SPATA16: variants seen among roughly 807,000 people sequenced by gnomAD.
The protein encoded by SPATA16 is spermatogenesis-associated protein 16.
SPATA16 carries 36 observed loss-of-function variants against 63.3 expected under a neutral mutation model. The ratio of observed to expected loss-of-function variants is 0.57; its 90% confidence interval spans 0.44 to 0.75. The LOEUF (loss-of-function observed/expected upper bound fraction) is 0.75. Ranked by LOEUF, SPATA16 falls within the 30% of genes least tolerant of loss-of-function variation. The pLI is 0.00. For synonymous variants in SPATA16, 203 were observed against 216.7 expected, an observed-to-expected ratio of 0.94 and a Z score of 0.56; for missense variants, 646 against 679.3, an observed-to-expected ratio of 0.95 and a Z score of 0.54.
chr3:173,131,265 A>G (rs1238325854), intron 1 of SPATA16, among the ~76,000 whole-genome samples: 1 of 152,200 alleles, frequency 6.6e-6, no homozygotes, highest in African/African-American at 2.4e-5. Flanking sequence ...TACACGTTAT[A>G]CTCTGCTTAT....
intron 2 of SPATA16, among the ~76,000 whole-genome samples, chr3:173,068,312 A>G (rs1577158003): frequency 6.6e-6 from 1 of 152,224 alleles, no homozygotes; most frequent in Non-Finnish European, 1.5e-5. Context: ...AGTATAAAAT[A>G]TATGAATAGA....
chr3:173,028,275 T>A (rs1339209839), intron 3 of SPATA16, among the ~76,000 whole-genome samples: 1 of 151,708 alleles, frequency 6.6e-6, no homozygotes, highest in Non-Finnish European at 1.5e-5. Context: ...ACATGGAATG[T>A]TTTAATTTCA....
At chr3:173,089,810 A>G (rs375118038) in intron 2 of SPATA16, among the ~76,000 whole-genome samples, 8 of 151,930 alleles carry the variant, frequency 5.3e-5, no homozygotes, top group South Asian at 2.1e-4. Context: ...CGGAAGCACT[A>G]CTCCTCCAGG....
intron 4 of SPATA16, among the ~76,000 whole-genome samples, chr3:173,017,294 A>G (rs1735213853): frequency 6.6e-6 from 1 of 152,270 alleles, no homozygotes; most frequent in South Asian, 2.1e-4. Flanking sequence ...CAGGTCAGTC[A>G]TCAAATGATA....
chr3:172,979,930 C>T (rs112888291), intron 4 of SPATA16, among the ~76,000 whole-genome samples: 124 of 152,262 alleles, frequency 8.1e-4, no homozygotes, highest in African/African-American at 2.9e-3. Flanking sequence ...GTATTTCTTT[C>T]GATACCTGGC....
intron 8 of SPATA16, among the ~76,000 whole-genome samples, chr3:172,922,438 T>A (rs564853666): frequency 6.6e-6 from 1 of 152,244 alleles, no homozygotes; most frequent in Non-Finnish European, 1.5e-5. Flanking sequence ...AAAAGATTCA[T>A]GTCTAAACAA....
At chr3:173,097,713 AT>A (rs936555090) in intron 2 of SPATA16, among the ~76,000 whole-genome samples, 19 of 152,210 alleles carry the variant, frequency 1.2e-4, no homozygotes, top group Admixed American at 6.5e-5. Flanking sequence ...ATTCAGGAAT[AT>A]GTTTGAACTG....
At chr3:173,085,502 A>AT (rs984743103) in intron 2 of SPATA16, among the ~76,000 whole-genome samples, 19 of 149,018 alleles carry the variant, frequency 1.3e-4, no homozygotes, top group Non-Finnish European at 1.5e-4. Flanking sequence ...AATATGCTTT[A>AT]TTTTTTTTTT....
Position 173,036,707 on chromosome 3 carries a change from T to A in SPATA16, c.758+12242A>T, listed in dbSNP as rs577421921. On this transcript the variant is annotated intron_variant, in intron 3 of 10. Coordinates refer to ENST00000351008, the MANE Select transcript of SPATA16 (RefSeq NM_031955.6). ...AATTATCTTTCATTTTCTAGCTGCA[T>A]ACCTTGTGTGACATTGAATTTTGTT... Among the ~76,000 whole-genome samples, 4 of 152,164 alleles carry A rather than the reference T, an allele frequency of 2.6e-5. No individual in the cohort carries two copies. In the East Asian group the frequency reaches 7.7e-4, roughly 29 times the overall value.
At chr3:172,895,007 T>A (rs575343636) in intron 10 of SPATA16, among the ~76,000 whole-genome samples, 4 of 152,274 alleles carry the variant, frequency 2.6e-5, no homozygotes, top group Non-Finnish European at 5.9e-5. Flanking sequence ...TAAAAAAAAA[T>A]TAATTTTGGT....
rs16846428 is a variant in SPATA16, at chr3:173,021,028, C to A, written c.759-1453G>T. 8.2e-3 allele frequency among the ~76,000 whole-genome samples: 1,250 copies of A among 152,246 alleles called. 14 individuals are homozygous for A. The highest frequency in any genetic ancestry group is 0.011 in the Non-Finnish European group (756 of 68,022). ...GCACAAATTTAGGAAACTTGTGTGA[C>A]CTCTCAGGGCTCTTCAGGTATTCCA... On this transcript the variant is annotated intron_variant, in intron 3 of 10. Transcript: ENST00000351008.
chr3:172,947,823 A>G (rs1733329410), intron 6 of SPATA16, among the ~76,000 whole-genome samples: 1 of 152,070 alleles, frequency 6.6e-6, no homozygotes, highest in Non-Finnish European at 1.5e-5. Flanking sequence ...CAAATACCTA[A>G]TATATGTGGG....
At chr3:172,935,654 C>A (rs1732972380) in intron 6 of SPATA16, among the ~76,000 whole-genome samples, 1 of 152,092 alleles carries the variant, frequency 6.6e-6, no homozygotes, top group African/African-American at 2.4e-5. Flanking sequence ...AATTATAATA[C>A]AGCATGGTAC....
chr3:173,027,238 A>G (rs1280872225), intron 3 of SPATA16, among the ~76,000 whole-genome samples: 1 of 151,958 alleles, frequency 6.6e-6, no homozygotes, highest in Non-Finnish European at 1.5e-5. Context: ...TAGAAACATA[A>G]TTGATTTTTT....
chr3:172,992,238 T>C (rs1734594812), intron 4 of SPATA16, among the ~76,000 whole-genome samples: 1 of 152,168 alleles, frequency 6.6e-6, no homozygotes, highest in African/African-American at 2.4e-5. Flanking sequence ...GTTTTTTTAA[T>C]TTTGCAAATG....
chr3:172,998,896 C>CG (rs1734753821), intron 4 of SPATA16, among the ~76,000 whole-genome samples: 1 of 151,988 alleles, frequency 6.6e-6, no homozygotes, highest in Non-Finnish European at 1.5e-5. Flanking sequence ...GAATACATTC[C>CG]ACTTGATAAA....
At chr3:173,111,433 C>T (rs944392858) in intron 2 of SPATA16, among the ~76,000 whole-genome samples, 2 of 152,060 alleles carry the variant, frequency 1.3e-5, no homozygotes, top group Admixed American at 6.6e-5. Context: ...ACAACAATAA[C>T]AAAATGCCTG....
At chr3:173,103,972 G>A (rs917750976) in intron 2 of SPATA16, among the ~76,000 whole-genome samples, 5 of 152,276 alleles carry the variant, frequency 3.3e-5, no homozygotes, top group African/African-American at 1.2e-4. Context: ...GAAGCAGCCA[G>A]GCCTTATCTT....
intron 8 of SPATA16, among the ~76,000 whole-genome samples, chr3:172,923,040 C>T (rs2109574522): frequency 6.6e-6 from 1 of 152,342 alleles, no homozygotes; most frequent in East Asian, 1.9e-4. Flanking sequence ...ACTGGCTCTG[C>T]TAGGCTAGCC....
Sources: allele counts gnomAD v4.1 joint callset (sites outside exome capture counted in the v4.1 genomes callset), GRCh38; gene constraint gnomAD v4.1.1; transcripts MANE v1.5; gene names NCBI Gene and HGNC (gene_info 2026-07-23, HGNC 2026-07-21).